Variants in PCNX2 observed in about 807,000 individuals in gnomAD.
PCNX2 encodes the protein pecanex 2.
Under a neutral mutation model 223.8 loss-of-function variants are expected in PCNX2, and 168 were observed. That is an observed-to-expected ratio of 0.75 (90% CI 0.66 to 0.85). The LOEUF (loss-of-function observed/expected upper bound fraction) is 0.85, where lower values mean the gene tolerates loss of function less well. PCNX2 is among the 40% of genes least tolerant of loss of function. PCNX2 has a pLI of 0.00. For missense variants in PCNX2, 2,507 were observed against 2,675.5 expected, an observed-to-expected ratio of 0.94 and a Z score of 1.39; for synonymous variants, 1,006 against 1,052.6, an observed-to-expected ratio of 0.96 and a Z score of 0.86.
At chr1:233,020,359 G>A (rs1444036174) in intron 26 of PCNX2, among the ~76,000 whole-genome samples, 1 of 152,204 alleles carries the variant, frequency 6.6e-6, no homozygotes, top group Non-Finnish European at 1.5e-5. Context: ...AATGAACACT[G>A]TAAAATCCTT....
In PCNX2 at chr1:233,258,594, G is replaced by A. The variant is rs765787683; in HGVS notation, c.1268C>T (p.Ala423Val). ...GATTACAGGAATTGAGATCTGCTCG[G>A]CATTTGGAGAACCGGCCGCCCCTGG... ...TNPGAAGSPN[A>V]EQISIPVITL... Residue 423 changes from alanine to valine, a missense_variant, in exon 5 of 34, where the codon GCC becomes GTC. Ala to Val is a moderately conservative substitution (Grantham distance 64). Around this residue, in one of 3 missense-constraint regions of PCNX2, gnomAD observed 1,031 missense variants for 1,021.7 expected, o/e 1.01. Transcript: ENST00000258229. 1.9e-6 allele frequency: 3 copies of A among 1,613,960 alleles called. No individual in the cohort carries two copies. The South Asian group carries it at 3.3e-5, about 18-fold the overall frequency.
At chr1:233,285,114 A>T in intron 1 of PCNX2, 2 of 656,894 alleles carry the variant, frequency 3.0e-6, no homozygotes, top group Non-Finnish European at 3.8e-6. Flanking sequence ...ACACTTCGGG[A>T]GGCCAAAGTG....
chr1:233,297,754 T>G (rs6700744), upstream of PCNX2, among the ~76,000 whole-genome samples: 1 of 151,928 alleles, frequency 6.6e-6, no homozygotes, highest in African/African-American at 2.4e-5. Context: ...TCAGATCTTA[T>G]CCTAGGCAAT....
intron 1 of PCNX2, among the ~76,000 whole-genome samples, chr1:233,281,196 C>T (rs12044078): frequency 0.6 from 91,853 of 152,070 alleles, 28,639 homozygotes; most frequent in East Asian, 0.82. Flanking sequence ...TACTCAGGGA[C>T]ATTTCTTATA....
At chr1:233,284,245 T>C (rs1267275496) in intron 1 of PCNX2, among the ~76,000 whole-genome samples, 1 of 152,242 alleles carries the variant, frequency 6.6e-6, no homozygotes, top group Non-Finnish European at 1.5e-5. Flanking sequence ...GATAATTACA[T>C]GGGAGAATGT....
chr1:233,110,974 G>A (rs951913246), intron 21 of PCNX2, among the ~76,000 whole-genome samples: 2 of 152,034 alleles, frequency 1.3e-5, no homozygotes, highest in African/African-American at 4.8e-5. Context: ...CAAATAATAT[G>A]TCAGTAGAAG....
intron 13 of PCNX2, among the ~76,000 whole-genome samples, chr1:233,206,914 G>T (rs537601712): frequency 1.3e-5 from 2 of 152,146 alleles, no homozygotes; most frequent in African/African-American, 4.8e-5. Context: ...GGGAGGCTGA[G>T]GCTGGAGAAT....
At chr1:233,103,845 T>C (rs1200460849) in intron 21 of PCNX2, among the ~76,000 whole-genome samples, 2 of 152,192 alleles carry the variant, frequency 1.3e-5, no homozygotes, top group East Asian at 1.9e-4. Context: ...TTTTAGTTTT[T>C]TGAGGAACTT....
upstream of PCNX2, among the ~76,000 whole-genome samples, chr1:233,300,442 G>C (rs1188958635): frequency 6.6e-6 from 1 of 152,218 alleles, no homozygotes; most frequent in Non-Finnish European, 1.5e-5. Context: ...GACATATCCA[G>C]GCTTCCCTTG....
At chr1:233,227,895 G>A (rs574722806) in intron 9 of PCNX2, among the ~76,000 whole-genome samples, 2 of 151,996 alleles carry the variant, frequency 1.3e-5, no homozygotes, top group Admixed American at 6.6e-5. Context: ...ACTAAAATGT[G>A]GAGAAATTTA....
At chr1:233,143,976 T>C (rs1558277219) in intron 19 of PCNX2, among the ~76,000 whole-genome samples, 1 of 152,048 alleles carries the variant, frequency 6.6e-6, no homozygotes, top group Non-Finnish European at 1.5e-5. Context: ...CCATTAAAAA[T>C]ATACCCCAAG....
chr1:233,051,691 G>A (rs1348787885), intron 25 of PCNX2, among the ~76,000 whole-genome samples: 3 of 152,120 alleles, frequency 2.0e-5, no homozygotes, highest in Non-Finnish European at 4.4e-5. Flanking sequence ...ACTGGGGACT[G>A]GTAGACATTG....
chr1:233,234,093 G>A (rs974664321), intron 9 of PCNX2, among the ~76,000 whole-genome samples: 1 of 152,138 alleles, frequency 6.6e-6, no homozygotes. Context: ...TTGACTGGCT[G>A]TTAAACTTCT....
At chr1:233,257,981 A>G (rs765046942) in intron 5 of PCNX2, 47 bp downstream of exon 5, 2 of 1,566,290 alleles carry the variant, frequency 1.3e-6, no homozygotes, top group South Asian at 2.4e-5. Context: ...AAAAAGGTGT[A>G]TTGCCTTCTA....
At chr1:233,173,061 C>A (rs1443072374) in intron 17 of PCNX2, among the ~76,000 whole-genome samples, 2 of 152,106 alleles carry the variant, frequency 1.3e-5, no homozygotes, top group Non-Finnish European at 2.9e-5. Context: ...TGACATAATA[C>A]ATTCATAAAA....
At chr1:233,036,321 G>T (rs1207029061) in intron 25 of PCNX2, among the ~76,000 whole-genome samples, 1 of 152,144 alleles carries the variant, frequency 6.6e-6, no homozygotes, top group Non-Finnish European at 1.5e-5. Flanking sequence ...TTTGTGGAAA[G>T]AAAGAATTGT....
In PCNX2 at chr1:233,014,653, C is replaced by T. The variant is rs1205834064; in HGVS notation, c.4952+12G>A. ...CTGTACCTAAGAGATTCTAACTTCT[C>T]CCCCCAGGTACCTGATGGCCATATT... On this transcript the variant is annotated intron_variant, in intron 28 of 33. Coordinates refer to ENST00000258229, the MANE Select transcript of PCNX2 (RefSeq NM_014801.4). 4 of 1,606,236 alleles carry T rather than the reference C, an allele frequency of 2.5e-6. No homozygotes were observed. The highest frequency in any genetic ancestry group is 3.4e-6 in the Non-Finnish European group (4 of 1,173,190).
chr1:233,132,892 CTTTTTT>C (rs892121349), intron 21 of PCNX2, among the ~76,000 whole-genome samples: 4 of 114,858 alleles, frequency 3.5e-5, no homozygotes, highest in African/African-American at 1.0e-4. Context: ...CATTTTACAT[CTTTTTT>C]TTTTTTTTTT....
chr1:233,166,117 T>C lies in PCNX2; in HGVS notation c.3274-4754A>G, dbSNP rs138245019. ...TGCAATGGTGAAATGACAAATCCCC[T>C]AAATGAAGAAAAGGATAATCTTTTC... is the stretch of plus-strand genomic sequence containing the variant. On this transcript the variant is annotated intron_variant, in intron 17 of 33. Transcript: ENST00000258229. Among the ~76,000 whole-genome samples the C allele has an allele frequency of 7.9e-5, 12 of 152,122 alleles. No homozygotes were observed. The East Asian group carries it at 2.1e-3, about 27-fold the overall frequency.
Sources: gnomAD v4.1 joint callset for allele counts (sites outside exome capture counted in the v4.1 genomes callset) on GRCh38, gnomAD v4.1.1 for gene constraint, gnomAD v4.1.1 regional missense constraint, MANE v1.5 for transcripts, NCBI Gene and HGNC (gene_info 2026-07-23, HGNC 2026-07-21) for gene names.